Variants in PPP2R5C observed in about 807,000 individuals in gnomAD.
The protein encoded by PPP2R5C is protein phosphatase 2 regulatory subunit B'gamma.
Under a neutral mutation model 68.9 loss-of-function variants are expected in PPP2R5C, and 7 were observed. The ratio of observed to expected loss-of-function variants is 0.10; its 90% CI spans 0.06 to 0.19. The LOEUF is 0.19. PPP2R5C is among the 10% of genes least tolerant of loss of function. The probability of loss-of-function intolerance (pLI) is 1.00; values close to 1 mark genes in which losing one functional copy is unlikely to be tolerated. For synonymous variants in PPP2R5C, 210 were observed against 222.2 expected (o/e 0.95, Z 0.49); for missense variants, 348 against 641.3 (o/e 0.54, Z 4.94).
At chr14:101,892,399 G>T (rs1259073413) in intron 6 of PPP2R5C, among the ~76,000 whole-genome samples, 2 of 139,966 alleles carry the variant, frequency 1.4e-5, no homozygotes, top group Non-Finnish European at 3.1e-5. Flanking sequence ...GGGGGTGGGG[G>T]GGGTCCCACG....
intron 10 of PPP2R5C, among the ~76,000 whole-genome samples, chr14:101,909,240 G>T (rs1262155947): frequency 4.0e-4 from 61 of 152,198 alleles, no homozygotes; most frequent in Admixed American, 4.0e-3. Flanking sequence ...ACATTTATAG[G>T]AAATCAAGTA....
At position 101,917,029 on chromosome 14, in the gene PPP2R5C, C is replaced by T. The variant is rs2046709532; in HGVS notation, c.1327-802C>T. Among the ~76,000 whole-genome samples, 1 of 152,188 alleles carries T rather than the reference C, an allele frequency of 6.6e-6. No homozygotes were observed. The highest frequency in any genetic ancestry group is 6.5e-5 in the Admixed American group (1 of 15,276). ...CAGACACAGATGCCACTTCCTTCGC[C>T]TGTGCCCTCAGAGCCAGCAGACGCT... On this transcript the variant is annotated intron_variant, in intron 12 of 13. Transcript: ENST00000334743. This position sits in a 1 kb window ranked among gnomAD's most constrained non-coding sequence, Gnocchi z 4.4.
At chr14:101,851,122 A>C (rs185642554) in intron 1 of PPP2R5C, among the ~76,000 whole-genome samples, 1 of 152,242 alleles carries the variant, frequency 6.6e-6, no homozygotes, top group African/African-American at 2.4e-5. Context: ...GGACCCTGGG[A>C]GCACCTTGCA....
At chr14:101,762,424 G>T (rs1377204557) in intron 1 of PPP2R5C, among the ~76,000 whole-genome samples, 1 of 152,116 alleles carries the variant, frequency 6.6e-6, no homozygotes, top group Non-Finnish European at 1.5e-5. Context: ...GCCCCGGAGG[G>T]ACGCTCTGGG....
intron 2 of PPP2R5C, chr14:101,767,041 T>C (rs1342153906): frequency 6.6e-6 from 1 of 152,264 alleles, no homozygotes; most frequent in East Asian, 1.9e-4. Context: ...AGTATTGTCA[T>C]GTATTTTACA....
At chr14:101,761,882 C>T, upstream of PPP2R5C, 1 of 1,148,624 alleles carries the variant, frequency 8.7e-7, no homozygotes, top group African/African-American at 1.7e-5. Flanking sequence ...GCGGCGGCGG[C>T]CCGCTCCAGC....
At chr14:101,860,953 C>T (rs1457036871) in intron 2 of PPP2R5C, among the ~76,000 whole-genome samples, 1 of 152,150 alleles carries the variant, frequency 6.6e-6, no homozygotes, top group Admixed American at 6.5e-5. Context: ...CAGTTCTTGG[C>T]GTGCAGTTTC....
At chr14:101,898,061 G>A (rs1373048749) in intron 8 of PPP2R5C, among the ~76,000 whole-genome samples, 4 of 152,028 alleles carry the variant, frequency 2.6e-5, no homozygotes, top group Non-Finnish European at 1.5e-5. Context: ...TCGAGAGGCC[G>A]AGGTGGAAGA....
intron 2 of PPP2R5C, among the ~76,000 whole-genome samples, chr14:101,777,318 AGGAGT>A (rs935933276): frequency 6.6e-6 from 1 of 152,014 alleles, no homozygotes; most frequent in African/African-American, 2.4e-5. Flanking sequence ...GTATATGCCT[AGGAGT>A]GAGATTGCTG....
chr14:101,867,467 A>G (rs1378049934), intron 2 of PPP2R5C, among the ~76,000 whole-genome samples: 1 of 151,924 alleles, frequency 6.6e-6, no homozygotes, highest in African/African-American at 2.4e-5. Context: ...CAGTAAAGAT[A>G]TTTTTCTTTC....
At chr14:101,768,947 C>T (rs1489695473) in intron 2 of PPP2R5C, among the ~76,000 whole-genome samples, 1 of 152,088 alleles carries the variant, frequency 6.6e-6, no homozygotes, top group Non-Finnish European at 1.5e-5. Context: ...GCCTCAGCCT[C>T]CCGAGTAGCT....
intron 2 of PPP2R5C, among the ~76,000 whole-genome samples, chr14:101,778,502 C>G (rs553219687): frequency 6.6e-6 from 1 of 152,208 alleles, no homozygotes; most frequent in Non-Finnish European, 1.5e-5. Context: ...TGAAGCTTTA[C>G]CTTTGTATTC....
At chr14:101,783,784 G>A (rs2037957440) in intron 2 of PPP2R5C, among the ~76,000 whole-genome samples, 1 of 152,212 alleles carries the variant, frequency 6.6e-6, no homozygotes, top group Non-Finnish European at 1.5e-5. Context: ...TGCTGGGCTG[G>A]CACTATAGTG....
chr14:101,907,207 G>T (rs997781947), intron 10 of PPP2R5C, among the ~76,000 whole-genome samples: 1 of 152,010 alleles, frequency 6.6e-6, no homozygotes, highest in African/African-American at 2.4e-5. Context: ...GTCTTGCTAT[G>T]TCCCCCCGGC....
intron 1 of PPP2R5C, among the ~76,000 whole-genome samples, chr14:101,810,487 CA>C (rs1237256007): frequency 6.6e-6 from 1 of 152,140 alleles, no homozygotes; most frequent in African/African-American, 2.4e-5. Flanking sequence ...AGATGAATTG[CA>C]GTCAGAAAAT....
chr14:101,893,362 G>A (rs549625555), intron 7 of PPP2R5C, among the ~76,000 whole-genome samples: 18 of 152,320 alleles, frequency 1.2e-4, no homozygotes, highest in African/African-American at 3.6e-4. Flanking sequence ...TCTGAAAGGA[G>A]TCTAGGAAGA....
In PPP2R5C at chr14:101,879,043, G is replaced by C. The variant is rs572873671; in HGVS notation, c.295-3118G>C. ...TCCCTGGTCACAGAAATCCAATCTAGGTTAAAGCTTTCATCTCAGACCCTC... is the reference window on the plus strand; with the variant it reads ...TCCCTGGTCACAGAAATCCAATCTACGTTAAAGCTTTCATCTCAGACCCTC... On this transcript the variant is annotated intron_variant, in intron 2 of 13. Coordinates refer to ENST00000334743, the Ensembl canonical transcript of PPP2R5C. This position sits in a 1 kb window ranked among gnomAD's most constrained non-coding sequence, Gnocchi z 4.2. Among the ~76,000 whole-genome samples, 4 of 152,344 alleles carry C rather than the reference G, an allele frequency of 2.6e-5. No homozygotes were observed. The South Asian group carries it at 8.3e-4, about 32-fold the overall frequency.
At chr14:101,766,188 C>T (rs76429010) in intron 2 of PPP2R5C, 4,521 of 152,260 alleles carry the variant, frequency 0.03, 112 homozygotes, top group East Asian at 0.15. Context: ...AAGCAGGTGG[C>T]GTATGTTGCA....
In PPP2R5C at chr14:101,908,959, C is replaced by T. The variant is rs778886205; in HGVS notation, c.1152-630C>T. ...ACCTGTTGCTCACAGTCCTGCGGGT[C>T]GAGCAGGTCCTGCTGCGCAGGCTTT... On this transcript the variant is annotated intron_variant, in intron 10 of 13. Transcript: ENST00000334743. Among the ~76,000 whole-genome samples the T allele has an allele frequency of 1.3e-4, 20 of 152,200 alleles. 1 individual carries two copies. Among genetic ancestry groups the T allele is most frequent in the South Asian group, 4.1e-4 (2 of 4,836 alleles).
Sources: gnomAD v4.1 joint callset for allele counts (sites outside exome capture counted in the v4.1 genomes callset) on GRCh38, gnomAD v4.1.1 for gene constraint, Gnocchi (gnomAD v3.1) non-coding constraint, MANE v1.5 for transcripts, NCBI Gene and HGNC (gene_info 2026-07-23, HGNC 2026-07-21) for gene names.